The following SUPT6H variants were observed in gnomAD, a reference collection of about 807,000 sequenced individuals.
SUPT6H encodes the protein SPT6 homolog, histone chaperone and transcription elongation factor.
In SUPT6H, 11 loss-of-function variants were observed where a neutral mutation model predicts 222.3. The observed-to-expected ratio is 0.05, with a 90% CI of 0.03 to 0.08. The LOEUF (loss-of-function observed/expected upper bound fraction) is 0.08. SUPT6H is among the 10% of genes least tolerant of loss of function. The pLI is 1.00. For missense variants in SUPT6H, 1,422 were observed against 2,216.0 expected (o/e 0.64, Z 7.19); for synonymous variants, 762 against 801.2 (o/e 0.95, Z 0.83).
In SUPT6H at chr17:28,688,165, C is replaced by A. The variant is rs918522646; in HGVS notation, c.3081C>A (p.Val1027=). The part of the protein sequence containing the change: ...LVTMCHMGPK[V]FMNCAGFLKI... ...CCATGTGCCACATGGGTCCCAAAGT[C>A]TTCATGAATTGTGCTGGCTTCCTCA... The change falls in exon 24 of 37, where the codon GTC becomes GTA. Residue 1027 remains valine, a synonymous_variant. Coordinates refer to ENST00000314616, the MANE Select transcript of SUPT6H (RefSeq NM_003170.5). This position sits in a 1 kb window ranked among gnomAD's most constrained non-coding sequence, Gnocchi z 4.3. 2 of 1,613,926 alleles carry A rather than the reference C, an allele frequency of 1.2e-6. No homozygotes were observed. Among genetic ancestry groups the A allele is most frequent in the Non-Finnish European group, 1.7e-6 (2 of 1,179,956 alleles).
chr17:28,690,075 T>C lies in SUPT6H; in HGVS notation c.3343-7T>C. ...GCAAGGCTCTTCTTGATGGGCTTCTTCCCCAGGGCTATGGTGACAAACACA... is the reference window on the plus strand; with the variant it reads ...GCAAGGCTCTTCTTGATGGGCTTCTCCCCCAGGGCTATGGTGACAAACACA... On this transcript the variant is annotated splice_polypyrimidine_tract_variant and splice_region_variant and intron_variant, in intron 25 of 36. Coordinates refer to ENST00000314616, the MANE Select transcript of SUPT6H (RefSeq NM_003170.5). 1 of 1,605,982 alleles carries C rather than the reference T, an allele frequency of 6.2e-7. No homozygotes were observed. The highest frequency in any genetic ancestry group is 8.5e-7 in the Non-Finnish European group (1 of 1,175,504).
Position 28,688,059 on chromosome 17 carries a change from C to A in SUPT6H, c.3007-32C>A. The A allele has an allele frequency of 6.4e-7, 1 of 1,570,410 alleles. No homozygotes were observed. The highest frequency in any genetic ancestry group is 8.7e-7 in the Non-Finnish European group (1 of 1,155,584). On this transcript the variant is annotated intron_variant, in intron 23 of 36. Transcript: ENST00000314616. The surrounding 1 kb of genome is among the most constrained non-coding windows in gnomAD (Gnocchi z 4.3). Reference sequence around the variant, plus strand: ...AGTCTGGGGAGGTGGGGCCTGCTTACTGCCCTGGCTCAGTCCAGCTCTCTC... The same window carrying A: ...AGTCTGGGGAGGTGGGGCCTGCTTAATGCCCTGGCTCAGTCCAGCTCTCTC...
In SUPT6H at chr17:28,684,634, C is replaced by T; in HGVS notation, c.2278C>T (p.Pro760Ser). The T allele has an allele frequency of 6.2e-7, 1 of 1,614,132 alleles. No homozygotes were observed. Among genetic ancestry groups the T allele is most frequent in the Non-Finnish European group, 8.5e-7 (1 of 1,180,028 alleles). ...YNWLRVAPYR[P>S]DQQVEEDDDF... Reference sequence around the variant, plus strand: ...TTGGTTGAGAGTGGCACCCTACCGACCAGATCAGCAGGTGGAAGAAGATGA... The same window carrying T: ...TTGGTTGAGAGTGGCACCCTACCGATCAGATCAGCAGGTGGAAGAAGATGA... Residue 760 changes from proline (P) to serine (S), a missense_variant, in exon 18 of 37, where the codon CCA (proline) becomes TCA (serine). Transcript: ENST00000314616.
intron 26 of SUPT6H, 84 bp downstream of exon 26, chr17:28,690,313 T>C: frequency 6.5e-7 from 1 of 1,535,730 alleles, no homozygotes; most frequent in Non-Finnish European, 8.9e-7. Context: ...TCCAACAGAT[T>C]GAGGCAGGTT....
chr17:28,662,704 C>T (rs2072079713), intron 1 of SUPT6H, among the ~76,000 whole-genome samples: 1 of 152,190 alleles, frequency 6.6e-6, no homozygotes, highest in African/African-American at 2.4e-5. Context: ...GTTGTTTGTT[C>T]TGGGGATATG....
rs1391290223 is a variant in SUPT6H, at chr17:28,678,877, G to A, written c.1263G>A (p.Gln421=). 3.1e-6 allele frequency: 5 copies of A among 1,614,078 alleles called. No homozygotes were observed. The African/African-American group carries it at 5.3e-5, about 17-fold the overall frequency. ...TAACACGGCTGTTTGAGAAGATGCA[G>A]GCTTATCAGTATGAACAGATCTCTG... ...ENLTRLFEKM[Q]AYQYEQISAD... is the part of the protein sequence containing the mutation. The change falls in exon 11 of 37, where the codon CAG becomes CAA. Residue 421 remains glutamine, a synonymous_variant. Coordinates refer to ENST00000314616, the MANE Select transcript of SUPT6H (RefSeq NM_003170.5).
intron 32 of SUPT6H, among the ~76,000 whole-genome samples, chr17:28,698,708 C>T (rs2032022823): frequency 6.6e-6 from 1 of 152,266 alleles, no homozygotes; most frequent in Non-Finnish European, 1.5e-5. Flanking sequence ...TGCACTTCTG[C>T]TTTTATCCCT....
chr17:28,700,059 C>A, intron 33 of SUPT6H, 114 bp from the exon 34 acceptor site: 4 of 1,495,970 alleles, frequency 2.7e-6, no homozygotes, highest in South Asian at 1.2e-5. Context: ...ATCCACTGTG[C>A]CTATGCAGCT....
intron 27 of SUPT6H, among the ~76,000 whole-genome samples, chr17:28,692,241 GT>G: frequency 6.6e-6 from 1 of 150,494 alleles, no homozygotes; most frequent in East Asian, 2.0e-4. Flanking sequence ...GGAGAATGGT[GT>G]GAACCCGGGA....
intron 7 of SUPT6H, among the ~76,000 whole-genome samples, chr17:28,676,804 G>A (rs2030775049): frequency 6.6e-6 from 1 of 151,890 alleles, no homozygotes; most frequent in African/African-American, 2.4e-5. Context: ...GTGCACACCT[G>A]TAGTTTCAGC....
Position 28,696,296 on chromosome 17 carries a change from C to CA in SUPT6H, c.3971-531dup, listed in dbSNP as rs1185490286. 3.4e-3 allele frequency among the ~76,000 whole-genome samples: 182 copies of CA among 53,572 alleles called. 1 individual carries two copies. Among genetic ancestry groups the CA allele is most frequent in the South Asian group, 6.9e-3 (12 of 1,750 alleles). The allele number at this position is 53,572 out of a possible 152,430, so 35.1% of individuals were successfully genotyped here. The stretch of plus-strand genomic sequence containing the variant: ...TGGGTGACAGAGTGAGACTCTGTCT[C>CA]AAAAAAAAAAAAAAAAATGGCCAGG... On this transcript the variant is annotated intron_variant, in intron 29 of 36. Transcript: ENST00000314616.
At chr17:28,676,546 C>G (rs574487472) in intron 7 of SUPT6H, 116 bp downstream of exon 7, 80 of 1,474,500 alleles carry the variant, frequency 5.4e-5, no homozygotes, top group Non-Finnish European at 7.2e-5. Context: ...CTCATCTCAC[C>G]TGGGGCCTGG....
At position 28,675,148 on chromosome 17, in the gene SUPT6H, A is replaced by G. The variant is rs1486205462; in HGVS notation, c.524A>G (p.Asp175Gly). ...GCTCCTCCAGAGGAGGAGGAAGAAG[A>G]TGATGAGGAGTCAGGTATGTTATAT... is the stretch of plus-strand genomic sequence containing the variant. ...PMAPPEEEEE[D>G]DEESDIDDFI... is the part of the protein sequence containing the mutation. The change falls in exon 5 of 37, where the codon GAT becomes GGT. Residue 175 changes from aspartate (D) to glycine (G), a missense_variant. Around this residue, in one of 13 missense-constraint regions of SUPT6H, gnomAD observed 389 missense variants for 544.6 expected, o/e 0.71. Transcript: ENST00000314616. 2 of 1,610,636 alleles carry G rather than the reference A, an allele frequency of 1.2e-6. No individual in the cohort carries two copies. The highest frequency in any genetic ancestry group is 1.7e-6 in the Non-Finnish European group (2 of 1,179,130).
Position 28,674,604 on chromosome 17 carries a change from C to T in SUPT6H, c.336C>T (p.Val112=). 3 of 1,613,916 alleles carry T rather than the reference C, an allele frequency of 1.9e-6. No individual in the cohort carries two copies. The highest frequency in any genetic ancestry group is 2.5e-6 in the Non-Finnish European group (3 of 1,179,926). ...DLIEENLGVK[V]KRGQKYRRVK... is the part of the protein sequence containing the mutation. ...TTGAGGAGAATTTGGGTGTCAAAGT[C>T]AAAAGAGGAGTAAGTGTCATTCTTT... The change falls in exon 4 of 37, where the codon GTC becomes GTT. Residue 112 remains valine (V), a synonymous_variant. Coordinates refer to ENST00000314616, the MANE Select transcript of SUPT6H (RefSeq NM_003170.5).
In SUPT6H at chr17:28,688,319, C is replaced by T. The variant is rs963476026; in HGVS notation, c.3134+101C>T. The T allele has an allele frequency of 7.1e-7, 1 of 1,401,192 alleles. No individual in the cohort carries two copies. The highest frequency in any genetic ancestry group is 1.5e-5 in the African/African-American group (1 of 68,398). 86.8% of individuals were successfully genotyped at this position (1,401,192 alleles called of 1,614,324 possible). A position where few individuals can be genotyped will look rare whatever the true frequency, so the allele number is the denominator to read the frequency against. On this transcript the variant is annotated intron_variant, in intron 24 of 36. Transcript: ENST00000314616. The surrounding 1 kb of genome is among the most constrained non-coding windows in gnomAD (Gnocchi z 4.3). ...ATCAAAGGGCCACAAGCCATTTTAA[C>T]TTAGGAAATGTTTTAAAGAAAAGGT...
chr17:28,698,018 G>C lies in SUPT6H; in HGVS notation c.4436G>C (p.Arg1479Pro). 6.2e-7 allele frequency: 1 copy of C among 1,610,342 alleles called. No homozygotes were observed. The highest frequency in any genetic ancestry group is 8.5e-7 in the Non-Finnish European group (1 of 1,179,964). ...PGKFLLGYQP[R>P]GKPRIEYVTV... ...AAGTTCCTACTGGGATACCAGCCCC[G>C]GGGTAAACCCAGGTGAGCACTAGTG... Residue 1479 changes from arginine to proline, a missense_variant, in exon 32 of 37, where the codon CGG becomes CCG. Physicochemically the swap from Arg to Pro is moderately radical, Grantham distance 103. Coordinates refer to ENST00000314616, the MANE Select transcript of SUPT6H (RefSeq NM_003170.5).
intron 8 of SUPT6H, 88 bp downstream of exon 8, chr17:28,677,904 C>A: frequency 1.5e-6 from 2 of 1,361,648 alleles, no homozygotes; most frequent in Non-Finnish European, 2.1e-6. Flanking sequence ...TTCATACATC[C>A]GTGTGCCTGG....
intron 7 of SUPT6H, among the ~76,000 whole-genome samples, chr17:28,677,500 G>A (rs150577003): frequency 1.3e-3 from 199 of 151,902 alleles, no homozygotes; most frequent in African/African-American, 2.2e-3. Flanking sequence ...ACCCTAGATC[G>A]CGCCGTTGTG....
intron 25 of SUPT6H, 68 bp from the exon 26 acceptor site, chr17:28,690,014 C>G: frequency 2.6e-6 from 4 of 1,549,466 alleles, no homozygotes; most frequent in Non-Finnish European, 3.5e-6. Context: ...CCGCCCCTTC[C>G]ACGGGACTCC....
Sources: gnomAD v4.1 joint callset for allele counts (sites outside exome capture counted in the v4.1 genomes callset) on GRCh38, gnomAD v4.1.1 for gene constraint, gnomAD v4.1.1 regional missense constraint, Gnocchi (gnomAD v3.1) non-coding constraint, MANE v1.5 for transcripts, NCBI Gene and HGNC (gene_info 2026-07-23, HGNC 2026-07-21) for gene names.